DPH6: variants seen among roughly 807,000 people sequenced by gnomAD.
DPH6 encodes diphthamine biosynthesis 6, also known as diphthine--ammonia ligase.
In DPH6, 33 loss-of-function variants were observed where a neutral mutation model predicts 38.2. The ratio of observed to expected loss-of-function variants is 0.86; its 90% CI spans 0.65 to 1.15. DPH6 has a LOEUF of 1.15. DPH6 is among the 50% of genes most tolerant of loss of function. DPH6 has a pLI of 0.00. For synonymous variants in DPH6, 108 were observed against 103.0 expected, an observed-to-expected ratio of 1.05 and a Z score of -0.30; for missense variants, 325 against 320.0, an observed-to-expected ratio of 1.02 and a Z score of -0.12.
intron 3 of DPH6, among the ~76,000 whole-genome samples, chr15:35,250,671 T>C (rs567657226): frequency 6.6e-6 from 1 of 152,264 alleles, no homozygotes; most frequent in East Asian, 1.9e-4. Context: ...GCATCCATTC[T>C]GGGTGGATCT....
At chr15:35,258,581 C>T (rs2051722822) in intron 3 of DPH6, among the ~76,000 whole-genome samples, 1 of 152,162 alleles carries the variant, frequency 6.6e-6, no homozygotes, top group African/African-American at 2.4e-5. Context: ...AGGCTTAGAG[C>T]TTAATGTCCT....
intron 5 of DPH6, among the ~76,000 whole-genome samples, chr15:35,432,968 C>T (rs1174416340): frequency 6.6e-6 from 1 of 151,836 alleles, no homozygotes; most frequent in Non-Finnish European, 1.5e-5. Context: ...ACCCAAGTGA[C>T]ATGAAATTTA....
At chr15:35,241,701 C>T (rs1282867728) in intron 3 of DPH6, among the ~76,000 whole-genome samples, 3 of 141,832 alleles carry the variant, frequency 2.1e-5, no homozygotes, top group Non-Finnish European at 3.1e-5. Context: ...CCTTGTCGAC[C>T]GATCATGCAC....
Position 35,252,400 on chromosome 15 carries a change from T to G in DPH6, n.201-31818A>C, listed in dbSNP as rs1329102481. On this transcript the variant is annotated intron_variant and non_coding_transcript_variant, in intron 3 of 3. Transcript: ENST00000560386. ...TCAAATTAGTTTTGGAAATCCTGGG[T>G]TGAGCAGAGCTAAACAAGTTTCATT... 2.6e-5 allele frequency among the ~76,000 whole-genome samples: 4 copies of G among 152,194 alleles called. No individual in the cohort carries two copies. The East Asian group carries it at 7.7e-4, about 29-fold the overall frequency.
intron 3 of DPH6, among the ~76,000 whole-genome samples, chr15:35,227,174 C>CTTTTTTTT (rs71415001): frequency 6.5e-5 from 5 of 77,080 alleles, no homozygotes; most frequent in African/African-American, 1.5e-4. Context: ...ATAACATCTT[C>CTTTTTTTT]TTTTTTTTTT....
chr15:35,248,325 C>T (rs2051649414), intron 3 of DPH6, among the ~76,000 whole-genome samples: 1 of 152,164 alleles, frequency 6.6e-6, no homozygotes, highest in South Asian at 2.1e-4. Flanking sequence ...TAACTTTCCC[C>T]CACCTTTCTA....
intron 5 of DPH6, among the ~76,000 whole-genome samples, chr15:35,414,735 CT>C (rs369352065): frequency 6.8e-6 from 1 of 147,912 alleles, no homozygotes; most frequent in African/African-American, 2.6e-5. Flanking sequence ...TACTTTTTCT[CT>C]TTTTTTTCTG....
At chr15:35,386,528 A>T (rs1172971277) in intron 6 of DPH6, among the ~76,000 whole-genome samples, 1 of 152,152 alleles carries the variant, frequency 6.6e-6, no homozygotes, top group African/African-American at 2.4e-5. Context: ...CTTTTTAATG[A>T]TCGCCATTCT....
At chr15:35,468,707 C>T (rs1448913118) in intron 3 of DPH6, among the ~76,000 whole-genome samples, 2 of 151,482 alleles carry the variant, frequency 1.3e-5, no homozygotes, top group African/African-American at 4.9e-5. Flanking sequence ...GGGAAAAAAA[C>T]CTGGTAAGAA....
At chr15:35,432,443 C>T (rs936101255) in intron 5 of DPH6, among the ~76,000 whole-genome samples, 2 of 152,020 alleles carry the variant, frequency 1.3e-5, no homozygotes, top group African/African-American at 2.4e-5. Flanking sequence ...ACCCAATGAG[C>T]ACAACCAGAA....
At chr15:35,258,523 T>A (rs2051722531) in intron 3 of DPH6, among the ~76,000 whole-genome samples, 1 of 152,198 alleles carries the variant, frequency 6.6e-6, no homozygotes, top group Non-Finnish European at 1.5e-5. Context: ...AACTAAAGTC[T>A]GGGTTAAATA....
At chr15:35,344,014 T>A (rs927948742) in intron 3 of DPH6, among the ~76,000 whole-genome samples, 1 of 152,190 alleles carries the variant, frequency 6.6e-6, no homozygotes, top group South Asian at 2.1e-4. Context: ...AAGCATTCAT[T>A]ACCCTTCATG....
chr15:35,533,037 G>T (rs1208646483), intron 3 of DPH6, among the ~76,000 whole-genome samples: 1 of 151,896 alleles, frequency 6.6e-6, no homozygotes, highest in African/African-American at 2.4e-5. Context: ...AACCTAGGAG[G>T]CGGAGGTTGC....
the DPH6 span, among the ~76,000 whole-genome samples, chr15:35,162,391 C>T: frequency 6.6e-6 from 1 of 151,804 alleles, no homozygotes; most frequent in African/African-American, 2.4e-5. Flanking sequence ...TCCATCTTTC[C>T]AATGTTTTGT....
intron 3 of DPH6, among the ~76,000 whole-genome samples, chr15:35,320,638 T>C (rs2052232776): frequency 6.6e-6 from 1 of 152,216 alleles, no homozygotes; most frequent in Admixed American, 6.5e-5. Context: ...CTTTGGCTTA[T>C]TTTCATGGTT....
chr15:35,456,122 C>G (rs754510207), intron 3 of DPH6, among the ~76,000 whole-genome samples: 6 of 152,102 alleles, frequency 3.9e-5, no homozygotes, highest in Non-Finnish European at 5.9e-5. Context: ...CCTTTACTTT[C>G]CTATTTCAGC....
In DPH6 at chr15:35,287,503, G is replaced by A. The variant is rs151220556; in HGVS notation, n.201-66921C>T. On this transcript the variant is annotated intron_variant and non_coding_transcript_variant, in intron 3 of 3. Coordinates refer to the DPH6 transcript ENST00000560386. ...TTGTAGGGCATTATTAGTTTCGTGTGTATCATGTTTCCAGATCTGAGTGTT... is the reference window on the plus strand; with the variant it reads ...TTGTAGGGCATTATTAGTTTCGTGTATATCATGTTTCCAGATCTGAGTGTT... Among the ~76,000 whole-genome samples the A allele has an allele frequency of 7.0e-3, 1,066 of 152,208 alleles. 17 individuals carry two copies. Among genetic ancestry groups the A allele is most frequent in the African/African-American group, 0.024 (994 of 41,544 alleles).
chr15:35,346,598 T>C (rs1304192456), intron 3 of DPH6, among the ~76,000 whole-genome samples: 1 of 152,118 alleles, frequency 6.6e-6, no homozygotes, highest in East Asian at 1.9e-4. Flanking sequence ...GACTTCTCTA[T>C]TGTGTGTTTA....
At chr15:35,542,392 C>T in intron 2 of DPH6, 21 bp downstream of exon 2, 2 of 1,526,140 alleles carry the variant, frequency 1.3e-6, no homozygotes, top group Non-Finnish European at 9.0e-7. Context: ...AGGCAACTTC[C>T]CAATAAAGGC....
Sources: allele counts gnomAD v4.1 joint callset (sites outside exome capture counted in the v4.1 genomes callset), GRCh38; gene constraint gnomAD v4.1.1; transcripts MANE v1.5; gene names NCBI Gene and HGNC (gene_info 2026-07-23, HGNC 2026-07-21).